BLTP3A: variants seen among roughly 807,000 people sequenced by gnomAD.
BLTP3A encodes ICBP90 binding protein 1.
At chr6:34,867,943 C>T in the BLTP3A span, among the ~76,000 whole-genome samples, 1 of 152,164 alleles carries the variant, frequency 6.6e-6, no homozygotes, top group African/African-American at 2.4e-5. Context: ...CATTCAGATT[C>T]AGTCCTTTGA....
the BLTP3A span, among the ~76,000 whole-genome samples, chr6:34,839,893 T>G: frequency 8.5e-5 from 13 of 152,236 alleles, no homozygotes; most frequent in East Asian, 1.9e-4. Flanking sequence ...ATAGCTTCAC[T>G]CTGTCTGGGC....
chr6:34,839,334 G>A, the BLTP3A span, among the ~76,000 whole-genome samples: 997 of 119,144 alleles, frequency 8.4e-3, 7 homozygotes, highest in African/African-American at 0.017. Flanking sequence ...GAGAGTTCTT[G>A]TAACTCTTTC....
chr6:34,810,552 C>T, the BLTP3A span, among the ~76,000 whole-genome samples: 6 of 152,310 alleles, frequency 3.9e-5, no homozygotes, highest in South Asian at 1.0e-3. Context: ...CCATGATCAT[C>T]GCTCATTGCA....
the BLTP3A span, chr6:34,873,784 G>A: frequency 2.0e-5 from 3 of 152,216 alleles, no homozygotes; most frequent in African/African-American, 7.2e-5. Context: ...TTTCTTCTAT[G>A]GGAAATTATG....
At chr6:34,865,220 A>T in the BLTP3A span, among the ~76,000 whole-genome samples, 5 of 152,156 alleles carry the variant, frequency 3.3e-5, no homozygotes, top group African/African-American at 9.7e-5. Flanking sequence ...GCCTCTGTTA[A>T]GCACCATCCT....
chr6:34,832,111 C>T, the BLTP3A span, among the ~76,000 whole-genome samples: 1 of 145,092 alleles, frequency 6.9e-6, no homozygotes, highest in African/African-American at 2.7e-5. Flanking sequence ...CTGCACCCGG[C>T]CTTTTTTCTT....
At chr6:34,829,027 CAAAAAA>C in the BLTP3A span, among the ~76,000 whole-genome samples, 40 of 50,730 alleles carry the variant, frequency 7.9e-4, no homozygotes, top group Non-Finnish European at 1.1e-3. Flanking sequence ...AACTCCATCT[CAAAAAA>C]AAAAAAAAAA....
At chr6:34,872,174 A>C in the BLTP3A span, 1 of 1,107,574 alleles carries the variant, frequency 9.0e-7, no homozygotes, top group Non-Finnish European at 1.3e-6. Flanking sequence ...TCAAGGTCTT[A>C]GAAAAGATAT....
chr6:34,863,122 G>T, the BLTP3A span, among the ~76,000 whole-genome samples: 304 of 152,140 alleles, frequency 2.0e-3, no homozygotes, highest in African/African-American at 6.9e-3. Flanking sequence ...GCCCAGGCTG[G>T]TCTCGAACTC....
At chr6:34,812,406 T>C in the BLTP3A span, among the ~76,000 whole-genome samples, 1 of 151,616 alleles carries the variant, frequency 6.6e-6, no homozygotes, top group African/African-American at 2.4e-5. Context: ...AAACCCAACA[T>C]TGTAAACAAC....
chr6:34,829,858 G>T, the BLTP3A span, among the ~76,000 whole-genome samples: 3 of 151,946 alleles, frequency 2.0e-5, no homozygotes, highest in African/African-American at 7.3e-5. Flanking sequence ...AAGCTGGAGT[G>T]CAGTGGCGCA....
chr6:34,821,799 A>G, the BLTP3A span: 7 of 1,614,136 alleles, frequency 4.3e-6, no homozygotes, highest in Non-Finnish European at 5.9e-6. Flanking sequence ...GTCTACTGCA[A>G]CAGGGCCTCC....
the BLTP3A span, among the ~76,000 whole-genome samples, chr6:34,826,602 T>C: frequency 6.6e-6 from 1 of 152,076 alleles, no homozygotes; most frequent in Non-Finnish European, 1.5e-5. Flanking sequence ...AAGTGATCTT[T>C]CCGACTTGGC....
chr6:34,862,885 T>G, the BLTP3A span, among the ~76,000 whole-genome samples: 1 of 150,130 alleles, frequency 6.7e-6, no homozygotes, highest in Non-Finnish European at 1.5e-5. Flanking sequence ...TTCTCATTCA[T>G]GGAATGAGAT....
chr6:34,816,143 C>T, the BLTP3A span, among the ~76,000 whole-genome samples: 50 of 152,218 alleles, frequency 3.3e-4, no homozygotes, highest in South Asian at 4.1e-3. Context: ...AAGAACACAA[C>T]GTAGAAATTA....
the BLTP3A span, chr6:34,873,912 A>G: frequency 1.3e-5 from 2 of 152,582 alleles, no homozygotes; most frequent in African/African-American, 4.8e-5. Context: ...CACTCTCAAC[A>G]CTTCATTTGA....
the BLTP3A span, chr6:34,823,178 T>C: frequency 3.3e-6 from 4 of 1,228,924 alleles, no homozygotes; most frequent in Non-Finnish European, 4.8e-6. Context: ...AGCACGGAGA[T>C]GAATGACACA....
At chr6:34,805,334 TG>T in the BLTP3A span, among the ~76,000 whole-genome samples, 5 of 151,886 alleles carry the variant, frequency 3.3e-5, no homozygotes, top group Non-Finnish European at 4.4e-5. Flanking sequence ...AGCTCACACC[TG>T]TAATCCTAGC....
At chr6:34,849,606 C>T in the BLTP3A span, among the ~76,000 whole-genome samples, 1 of 152,086 alleles carries the variant, frequency 6.6e-6, no homozygotes, top group African/African-American at 2.4e-5. Flanking sequence ...AGTTCATACA[C>T]CATAATCACA....
Sources: gnomAD v4.1 joint callset for allele counts (sites outside exome capture counted in the v4.1 genomes callset) on GRCh38, gnomAD v4.1.1 for gene constraint, MANE v1.5 for transcripts, NCBI Gene and HGNC (gene_info 2026-07-23, HGNC 2026-07-21) for gene names.